The following RC3H1 variants were observed in gnomAD, a reference collection of about 807,000 sequenced individuals.
RC3H1 encodes ring finger and CCCH-type domains 1.
A neutral mutation model predicts 138.2 loss-of-function variants in RC3H1; 50 were observed. The observed-to-expected ratio is 0.36, with a 90% CI of 0.29 to 0.46. The LOEUF (loss-of-function observed/expected upper bound fraction) is 0.46. Ranked by LOEUF, RC3H1 falls within the 20% of genes least tolerant of loss-of-function variation. RC3H1 has a pLI of 1.00. For missense variants in RC3H1, 1,031 were observed against 1,388.1 expected (o/e 0.74, Z 4.09); for synonymous variants, 462 against 489.1 (o/e 0.94, Z 0.73).
At chr1:173,981,775 A>C (rs1042637343) in intron 5 of RC3H1, among the ~76,000 whole-genome samples, 9 of 152,108 alleles carry the variant, frequency 5.9e-5, no homozygotes, top group Admixed American at 1.3e-4. Flanking sequence ...GACTAGAATA[A>C]TCATAATGAT....
intron 7 of RC3H1, among the ~76,000 whole-genome samples, chr1:173,976,534 G>A (rs559050898): frequency 6.6e-6 from 1 of 152,220 alleles, no homozygotes; most frequent in South Asian, 2.1e-4. Context: ...CTACATGGAA[G>A]TAATTTATGA....
chr1:174,017,043 C>G (rs529633653), intron 1 of RC3H1, among the ~76,000 whole-genome samples: 1 of 152,296 alleles, frequency 6.6e-6, no homozygotes, highest in South Asian at 2.1e-4. Context: ...AATCAAAACT[C>G]TAAATATTCT....
At chr1:173,948,793 C>T (rs991949878) in intron 14 of RC3H1, among the ~76,000 whole-genome samples, 1 of 151,864 alleles carries the variant, frequency 6.6e-6, no homozygotes, top group South Asian at 2.1e-4. Context: ...GCTATGTTGC[C>T]CAGGCTGGTC....
At chr1:173,942,608 G>A (rs551971858) in intron 18 of RC3H1, among the ~76,000 whole-genome samples, 15 of 151,754 alleles carry the variant, frequency 9.9e-5, no homozygotes, top group South Asian at 8.3e-4. Context: ...TGAGGCGGGC[G>A]GATCACGAGG....
intron 19 of RC3H1, among the ~76,000 whole-genome samples, chr1:173,939,528 C>CA (rs61301994): frequency 0.016 from 559 of 35,916 alleles, 44 homozygotes; most frequent in East Asian, 0.018. Flanking sequence ...GAGATTTTAT[C>CA]AAAAAAAAAA....
chr1:174,022,211 G>A lies in RC3H1; in HGVS notation c.-266C>T, dbSNP rs547754263. On this transcript the variant is annotated 5_prime_UTR_variant, in exon 1 of 20. Coordinates refer to ENST00000367696, the MANE Select transcript of RC3H1 (RefSeq NM_172071.4). The surrounding 1 kb of genome is among the most constrained non-coding windows in gnomAD (Gnocchi z 4.2). ...GTTGACTCTGATTCTGTCCCAGGCC[G>A]CCGGGCCACGGCTGCCGCCGCCACC... 871 of 393,638 alleles carry A rather than the reference G, an allele frequency of 2.2e-3. 8 individuals are homozygous for A. Among genetic ancestry groups the A allele is most frequent in the African/African-American group, 0.016 (765 of 48,290 alleles). The allele number at this position is 393,638 out of a possible 1,614,324, so 24.4% of individuals were successfully genotyped here. A position where few individuals can be genotyped will look rare whatever the true frequency, so the allele number is the denominator to read the frequency against.
chr1:174,001,488 C>T (rs1310516448), intron 1 of RC3H1, among the ~76,000 whole-genome samples: 1 of 152,026 alleles, frequency 6.6e-6, no homozygotes, highest in Non-Finnish European at 1.5e-5. Context: ...ATTCTGTTGC[C>T]CAGGCTGGAG....
In RC3H1 at chr1:173,931,208, C is replaced by T. The variant is rs551776620; in HGVS notation, c.*7513G>A. On this transcript the variant is annotated 3_prime_UTR_variant, in exon 20 of 20. Coordinates refer to ENST00000367696, the MANE Select transcript of RC3H1 (RefSeq NM_172071.4). The stretch of plus-strand genomic sequence containing the variant: ...ATGGCACACACTCATTTACAAAATA[C>T]ACACGTTCCTCATTAATTTATCATT... The T allele has an allele frequency of 2.6e-5, 4 of 152,288 alleles. No homozygotes were observed. The highest frequency in any genetic ancestry group is 7.2e-5 in the African/African-American group (3 of 41,558). 9.4% of individuals were successfully genotyped at this position (152,288 alleles called of 1,614,324 possible). A position where few individuals can be genotyped will look rare whatever the true frequency, so the allele number is the denominator to read the frequency against.
At chr1:173,968,624 G>A (rs1660219731) in intron 9 of RC3H1, among the ~76,000 whole-genome samples, 1 of 151,982 alleles carries the variant, frequency 6.6e-6, no homozygotes, top group African/African-American at 2.4e-5. Context: ...TTATGGCTAT[G>A]TTATTCTTTC....
chr1:173,978,452 C>G, intron 7 of RC3H1, 36 bp downstream of exon 7: 1 of 1,607,100 alleles, frequency 6.2e-7, no homozygotes, highest in Non-Finnish European at 8.5e-7. Flanking sequence ...ACGAAAGGCA[C>G]ATATAAGATA....
intron 13 of RC3H1, among the ~76,000 whole-genome samples, chr1:173,955,055 T>C (rs904627739): frequency 1.3e-5 from 2 of 150,924 alleles, no homozygotes; most frequent in African/African-American, 2.4e-5. Flanking sequence ...TGAAACCCTG[T>C]TCCTACTAAA....
chr1:173,973,516 CAGAG>C (rs1468351120), intron 7 of RC3H1, among the ~76,000 whole-genome samples: 3 of 133,744 alleles, frequency 2.2e-5, no homozygotes, highest in African/African-American at 6.0e-5. Context: ...ATCCTGGTGA[CAGAG>C]AGAAACTCCA....
chr1:173,938,879 C>A lies in RC3H1; in HGVS notation c.3252-8G>T. 1 of 1,572,884 alleles carries A rather than the reference C, an allele frequency of 6.4e-7. No homozygotes were observed. Among genetic ancestry groups the A allele is most frequent in the Admixed American group, 1.9e-5 (1 of 52,484 alleles). On this transcript the variant is annotated splice_region_variant and splice_polypyrimidine_tract_variant and intron_variant, in intron 19 of 19. Transcript: ENST00000367696. The stretch of plus-strand genomic sequence containing the variant: ...GATCCATTTGGTACATCACTGCTGA[C>A]ATTTTAAAATTTTGAAAAAGGAGAG...
chr1:173,970,428 C>T (rs1660307789), intron 9 of RC3H1, 77 bp downstream of exon 9: 1 of 900,390 alleles, frequency 1.1e-6, no homozygotes, highest in Non-Finnish European at 1.8e-6. Flanking sequence ...AAAGCAGCTA[C>T]TCTTTCTGTA....
intron 8 of RC3H1, 82 bp from the exon 9 acceptor site, chr1:173,970,699 G>C (rs951198905): frequency 1.7e-5 from 14 of 800,518 alleles, no homozygotes; most frequent in Non-Finnish European, 2.4e-5. Flanking sequence ...TTAGGATCTT[G>C]ATAATCTAGA....
At chr1:173,955,737 G>A (rs1286465823) in intron 13 of RC3H1, among the ~76,000 whole-genome samples, 1 of 152,120 alleles carries the variant, frequency 6.6e-6, no homozygotes, top group Non-Finnish European at 1.5e-5. Context: ...AAATCATAAG[G>A]AGATATTTAT....
intron 17 of RC3H1, among the ~76,000 whole-genome samples, chr1:173,944,852 C>T (rs998516380): frequency 9.9e-5 from 15 of 152,158 alleles, no homozygotes; most frequent in Non-Finnish European, 1.9e-4. Flanking sequence ...AAACAATCTC[C>T]TACTGGTCTT....
At chr1:174,011,714 GA>G (rs1019131485) in intron 1 of RC3H1, among the ~76,000 whole-genome samples, 3 of 152,022 alleles carry the variant, frequency 2.0e-5, no homozygotes, top group African/African-American at 7.2e-5. Context: ...TTCAAGCTGT[GA>G]AAATTTTTAA....
At chr1:173,990,922 T>C (rs1661258956) in intron 2 of RC3H1, among the ~76,000 whole-genome samples, 1 of 152,150 alleles carries the variant, frequency 6.6e-6, no homozygotes, top group Non-Finnish European at 1.5e-5. Flanking sequence ...GTTATTAACA[T>C]ACTGTGGATG....
Sources: allele counts gnomAD v4.1 joint callset (sites outside exome capture counted in the v4.1 genomes callset), GRCh38; gene constraint gnomAD v4.1.1; non-coding constraint Gnocchi (gnomAD v3.1); transcripts MANE v1.5; gene names NCBI Gene and HGNC (gene_info 2026-07-23, HGNC 2026-07-21).